Variants in ZDHHC18 observed in about 807,000 individuals in gnomAD.
ZDHHC18 encodes zDHHC palmitoyltransferase 18.
In ZDHHC18, 23 loss-of-function variants were observed where a neutral mutation model predicts 37.5. The observed-to-expected ratio is 0.61, with a 90% CI of 0.44 to 0.87. The LOEUF (loss-of-function observed/expected upper bound fraction) is 0.87. Ranked by LOEUF, ZDHHC18 falls within the 40% of genes least tolerant of loss-of-function variation. The pLI, the probability that ZDHHC18 is intolerant of heterozygous loss-of-function variation, is 0.00. For missense variants in ZDHHC18, 406 were observed against 525.6 expected (o/e 0.77, Z 2.22); for synonymous variants, 185 against 218.7 (o/e 0.85, Z 1.36).
At chr1:26,846,290 GTA>G (rs1557644428) in intron 2 of ZDHHC18, among the ~76,000 whole-genome samples, 991 of 47,830 alleles carry the variant, frequency 0.021, 14 homozygotes, top group South Asian at 0.066. Context: ...GTGTGTGTGT[GTA>G]TATATATATA....
At chr1:26,848,562 T>C in intron 2 of ZDHHC18, 46 bp from the exon 3 acceptor site, 6 of 1,587,560 alleles carry the variant, frequency 3.8e-6, no homozygotes, top group Non-Finnish European at 4.3e-6. Context: ...ATCCGGGCCC[T>C]GGGCTGCCTT....
At chr1:26,839,608 C>T (rs2081628442) in intron 2 of ZDHHC18, among the ~76,000 whole-genome samples, 1 of 152,154 alleles carries the variant, frequency 6.6e-6, no homozygotes, top group Non-Finnish European at 1.5e-5. Context: ...ACTTGCTTTC[C>T]CATCTGTAAC....
At chr1:26,830,427 G>C (rs1263430270) in intron 1 of ZDHHC18, among the ~76,000 whole-genome samples, 1 of 152,148 alleles carries the variant, frequency 6.6e-6, no homozygotes. Flanking sequence ...TGATGAGAAA[G>C]TACACAGGAA....
Position 26,832,218 on chromosome 1 carries a change from T to C in ZDHHC18, c.336-229T>C, listed in dbSNP as rs571467751. 7 of 557,698 alleles carry C rather than the reference T, an allele frequency of 1.3e-5. No homozygotes were observed. The East Asian group carries it at 1.5e-4, about 12-fold the overall frequency. 34.5% of individuals were successfully genotyped at this position (557,698 alleles called of 1,614,324 possible). A position where few individuals can be genotyped will look rare whatever the true frequency, so the allele number is the denominator to read the frequency against. On this transcript the variant is annotated intron_variant, in intron 1 of 7. Coordinates refer to ENST00000374142, the MANE Select transcript of ZDHHC18 (RefSeq NM_032283.3). ...TGGGATCTATTGGACACATCTGCCA[T>C]GTGCTCTGGAGGAAAGTATATCACA...
In ZDHHC18 at chr1:26,850,507, C is replaced by T; in HGVS notation, c.785-51C>T. On this transcript the variant is annotated intron_variant, in intron 4 of 7. Coordinates refer to ENST00000374142, the MANE Select transcript of ZDHHC18 (RefSeq NM_032283.3). The surrounding 1 kb of genome is among the most constrained non-coding windows in gnomAD (Gnocchi z 6.1). ...AGCAAGCTCAAGGGTCAGCAAGCTT[C>T]AGCAGTCACTGTCCCTCTGAGCTTG... 1 of 1,614,224 alleles carries T rather than the reference C, an allele frequency of 6.2e-7. No homozygotes were observed. Among genetic ancestry groups the T allele is most frequent in the Non-Finnish European group, 8.5e-7 (1 of 1,180,028 alleles).
intron 2 of ZDHHC18, 81 bp downstream of exon 2, chr1:26,832,688 C>T (rs1182347364): frequency 6.5e-7 from 1 of 1,537,204 alleles, no homozygotes; most frequent in Non-Finnish European, 8.8e-7. Context: ...GTTTTCTCTT[C>T]CAAAACTATA....
intron 2 of ZDHHC18, among the ~76,000 whole-genome samples, chr1:26,836,401 C>T (rs2081611553): frequency 6.6e-6 from 1 of 152,028 alleles, no homozygotes; most frequent in Non-Finnish European, 1.5e-5. Context: ...GTAGTTATCT[C>T]TCCAAGATCC....
chr1:26,832,676 T>C, intron 2 of ZDHHC18, 69 bp downstream of exon 2: 1 of 1,564,198 alleles, frequency 6.4e-7, no homozygotes, highest in African/African-American at 1.4e-5. Flanking sequence ...GGAGGAGGCC[T>C]GGTTTTCTCT....
rs76136489 is a variant in ZDHHC18, at chr1:26,848,406, G to A, written c.497-202G>A. ...GGTAAGGCCGGCAGGTGTATGAACA[G>A]AGGCAGTCTCAGTACATGGTGGCAG... On this transcript the variant is annotated intron_variant, in intron 2 of 7. Transcript: ENST00000374142. 6.1e-3 allele frequency among the ~76,000 whole-genome samples: 934 copies of A among 152,146 alleles called. 5 individuals carry two copies. Among genetic ancestry groups the A allele is most frequent in the African/African-American group, 0.021 (877 of 41,492 alleles).
intron 2 of ZDHHC18, among the ~76,000 whole-genome samples, chr1:26,844,799 G>T (rs774905259): frequency 6.6e-6 from 1 of 151,866 alleles, no homozygotes; most frequent in African/African-American, 2.4e-5. Flanking sequence ...ACTTTTTCAC[G>T]TGTTTATTGG....
chr1:26,826,905 G>T lies in ZDHHC18; in HGVS notation c.101G>T (p.Gly34Val). 1 of 986,566 alleles carries T rather than the reference G, an allele frequency of 1.0e-6. No individual in the cohort carries two copies. The highest frequency in any genetic ancestry group is 4.5e-5 in the South Asian group (1 of 22,136). The allele number at this position is 986,566 out of a possible 1,614,324, so 61.1% of individuals were successfully genotyped here. The change falls in exon 1 of 8, where the codon GGC becomes GTC. Residue 34 changes from glycine to valine, a missense_variant. Transcript: ENST00000374142. The surrounding 1 kb of genome is among the most constrained non-coding windows in gnomAD (Gnocchi z 5.2). ...GGCCCCGCCGCGTCCCCGACTCCGG[G>T]CCCCGGGCCCGCGCCGCCCGCCGCC... ...RPGPAASPTP[G>V]PGPAPPAAPA...
chr1:26,840,360 C>T (rs1489712004), intron 2 of ZDHHC18, among the ~76,000 whole-genome samples: 1 of 152,230 alleles, frequency 6.6e-6, no homozygotes, highest in African/African-American at 2.4e-5. Flanking sequence ...CCTTGTCAAG[C>T]GTTAGCCACT....
At chr1:26,828,845 G>A (rs1005789721) in intron 1 of ZDHHC18, among the ~76,000 whole-genome samples, 1 of 151,974 alleles carries the variant, frequency 6.6e-6, no homozygotes, top group Admixed American at 6.6e-5. Context: ...GCCTTTTCTA[G>A]TATCCCCTGG....
chr1:26,837,993 T>G (rs1048765192), intron 2 of ZDHHC18, among the ~76,000 whole-genome samples: 1 of 151,612 alleles, frequency 6.6e-6, no homozygotes, highest in Non-Finnish European at 1.5e-5. Context: ...CTTCTTTTGT[T>G]GCTTGCTTTT....
chr1:26,842,612 G>C (rs1311528506), intron 2 of ZDHHC18, among the ~76,000 whole-genome samples: 1 of 152,262 alleles, frequency 6.6e-6, no homozygotes, highest in Non-Finnish European at 1.5e-5. Flanking sequence ...CCAGGGTTCA[G>C]AGTGTGGCCA....
At position 26,830,770 on chromosome 1, in the gene ZDHHC18, TTTG is replaced by T. The variant is rs67399497; in HGVS notation, c.336-1649_336-1647del. Among the ~76,000 whole-genome samples, 255 of 150,554 alleles carry T rather than the reference TTTG, an allele frequency of 1.7e-3. No individual in the cohort carries two copies. In the South Asian group the frequency reaches 0.017, roughly 10 times the overall value. On this transcript the variant is annotated intron_variant, in intron 1 of 7. Transcript: ENST00000374142. ...AGGAGCTTATGTTTTTTTATGTTTG[TTTG>T]TTGTTGTTGTTGTTGTTGTTGTTGT...
At chr1:26,841,914 T>C (rs562854580) in intron 2 of ZDHHC18, among the ~76,000 whole-genome samples, 1 of 151,916 alleles carries the variant, frequency 6.6e-6, no homozygotes, top group Non-Finnish European at 1.5e-5. Context: ...GGTGGGTGGA[T>C]CATGAGGTCA....
chr1:26,853,007 G>A lies in ZDHHC18; in HGVS notation c.1049+142G>A. 3 of 643,112 alleles carry A rather than the reference G, an allele frequency of 4.7e-6. 1 individual carries two copies. The South Asian group carries it at 6.3e-5, about 14-fold the overall frequency. 39.8% of individuals were successfully genotyped at this position (643,112 alleles called of 1,614,324 possible). On this transcript the variant is annotated intron_variant, in intron 7 of 7. Coordinates refer to ENST00000374142, the MANE Select transcript of ZDHHC18 (RefSeq NM_032283.3). ...CCTGGAGGGCATTTGTCATGTGACG[G>A]AATTCCATGGAGAATTGTTATTTAA... is the stretch of plus-strand genomic sequence containing the variant.
rs984089338 is a variant in ZDHHC18, at chr1:26,853,768, G to A, written c.1092G>A (p.Leu364=). 6 of 1,613,904 alleles carry A rather than the reference G, an allele frequency of 3.7e-6. No homozygotes were observed. Among genetic ancestry groups the A allele is most frequent in the African/African-American group, 1.3e-5 (1 of 74,876 alleles). Residue 364 remains leucine, a synonymous_variant, in exon 8 of 8, where the codon TTG becomes TTA. Coordinates refer to ENST00000374142, the MANE Select transcript of ZDHHC18 (RefSeq NM_032283.3). ...GATTTGTGCAGTCCGACACCGTGTT[G>A]CCCTCACCCATCAGAAGCGATGAGC... ...RRGFVQSDTV[L]PSPIRSDEPA... is the part of the protein sequence containing the mutation.
Sources: allele counts gnomAD v4.1 joint callset (sites outside exome capture counted in the v4.1 genomes callset), GRCh38; gene constraint gnomAD v4.1.1; non-coding constraint Gnocchi (gnomAD v3.1); transcripts MANE v1.5; gene names NCBI Gene and HGNC (gene_info 2026-07-23, HGNC 2026-07-21).